Variants in SFRP1 observed in about 807,000 individuals in gnomAD.
The protein encoded by SFRP1 is secreted frizzled-related protein 1.
Under a neutral mutation model 25.9 loss-of-function variants are expected in SFRP1, and 9 were observed. The observed-to-expected ratio is 0.35, with a 90% CI of 0.21 to 0.61. SFRP1 has a LOEUF of 0.61. SFRP1 is among the 20% of genes least tolerant of loss of function. The pLI, the probability that SFRP1 is intolerant of heterozygous loss-of-function variation, is 0.78. For missense variants in SFRP1, 346 were observed against 418.2 expected (o/e 0.83, Z 1.51); for synonymous variants, 178 against 174.0 (o/e 1.02, Z -0.18).
At chr8:41,266,002 C>A (rs1469127200) in intron 2 of SFRP1, among the ~76,000 whole-genome samples, 1 of 152,100 alleles carries the variant, frequency 6.6e-6, no homozygotes, top group Non-Finnish European at 1.5e-5. Flanking sequence ...CCCATCTCTA[C>A]TAAAAATACA....
At chr8:41,268,553 C>A (rs1046394570) in intron 2 of SFRP1, among the ~76,000 whole-genome samples, 1 of 152,166 alleles carries the variant, frequency 6.6e-6, no homozygotes, top group African/African-American at 2.4e-5. Context: ...ATGTGTTACA[C>A]ATTAGACTTT....
Position 41,265,163 on chromosome 8 carries a change from AG to A in SFRP1, c.*3del. ...GCTCCCTCCCCACCCTGCCCCCGGG[AG>A]AATCACTTAAACACGGACTGAAAGG... On this transcript the variant is annotated 3_prime_UTR_variant, in exon 3 of 3. Transcript: ENST00000220772. The A allele has an allele frequency of 2.0e-6, 1 of 511,142 alleles. No homozygotes were observed. The highest frequency in any genetic ancestry group is 2.8e-6 in the Non-Finnish European group (1 of 358,984). The allele number at this position is 511,142 out of a possible 1,614,324, so 31.7% of individuals were successfully genotyped here. A position where few individuals can be genotyped will look rare whatever the true frequency, so the allele number is the denominator to read the frequency against.
At chr8:41,282,607 A>G (rs1329951220) in intron 2 of SFRP1, among the ~76,000 whole-genome samples, 1 of 151,890 alleles carries the variant, frequency 6.6e-6, no homozygotes, top group Non-Finnish European at 1.5e-5. Context: ...TTTAAATAAA[A>G]TAAAAATAAG....
intron 2 of SFRP1, 138 bp downstream of exon 2, chr8:41,303,323 A>G: frequency 1.5e-6 from 1 of 687,554 alleles, no homozygotes; most frequent in Non-Finnish European, 2.6e-6. Context: ...TCTGCCTGAG[A>G]AAAGCAGCCA....
rs1312640867 is a variant in SFRP1 at position 41,263,470 on chromosome 8, G to A, written c.*1697C>T. On this transcript the variant is annotated 3_prime_UTR_variant, in exon 3 of 3. Coordinates refer to ENST00000220772, the MANE Select transcript of SFRP1 (RefSeq NM_003012.5). ...GATTTTCATACTGGAGTCTTCAAGA[G>A]TTAACAGAATCTACCATCCTTTCCT... is the stretch of plus-strand genomic sequence containing the variant. 4 of 152,212 alleles carry A rather than the reference G, an allele frequency of 2.6e-5. No homozygotes were observed. The highest frequency in any genetic ancestry group is 5.9e-5 in the Non-Finnish European group (4 of 68,046). The allele number at this position is 152,212 out of a possible 1,614,324, so 9.4% of individuals were successfully genotyped here.
At chr8:41,269,698 A>C (rs1469792022) in intron 2 of SFRP1, among the ~76,000 whole-genome samples, 1 of 152,090 alleles carries the variant, frequency 6.6e-6, no homozygotes, top group African/African-American at 2.4e-5. Flanking sequence ...ATGACTTTGA[A>C]CGTAAGGCAA....
chr8:41,292,968 G>C (rs1294281535), intron 2 of SFRP1, among the ~76,000 whole-genome samples: 1 of 152,216 alleles, frequency 6.6e-6, no homozygotes, highest in Non-Finnish European at 1.5e-5. Context: ...CAAAGGTCGA[G>C]ACTCCTTCTA....
At chr8:41,285,506 C>A (rs1182866506) in intron 2 of SFRP1, among the ~76,000 whole-genome samples, 1 of 152,180 alleles carries the variant, frequency 6.6e-6, no homozygotes, top group Non-Finnish European at 1.5e-5. Flanking sequence ...CCACTCCAGG[C>A]GGAAGAAGTG....
At chr8:41,299,261 A>C (rs9298614) in intron 2 of SFRP1, among the ~76,000 whole-genome samples, 10 of 151,674 alleles carry the variant, frequency 6.6e-5, no homozygotes, top group Admixed American at 5.2e-4. Context: ...CTGTGGATAG[A>C]ATATGTATCT....
chr8:41,293,694 G>A lies in SFRP1; in HGVS notation c.622+9767C>T, dbSNP rs148711427. 9.9e-5 allele frequency among the ~76,000 whole-genome samples: 15 copies of A among 152,084 alleles called. No homozygotes were observed. The East Asian group carries it at 2.7e-3, about 28-fold the overall frequency. On this transcript the variant is annotated intron_variant, in intron 2 of 2. Coordinates refer to ENST00000220772, the MANE Select transcript of SFRP1 (RefSeq NM_003012.5). ...CAAAGGCATCTGAAGTTACCAAAGA[G>A]CAGAGACAAAAAAGCATGGCAAAGG...
In SFRP1 at chr8:41,309,405, G is replaced by T; in HGVS notation, c.-246C>A. 2 of 194,888 alleles carry T rather than the reference G, an allele frequency of 1.0e-5. No homozygotes were observed. Among genetic ancestry groups the T allele is most frequent in the South Asian group, 1.6e-4 (1 of 6,202 alleles). The allele number at this position is 194,888 out of a possible 1,614,324, so 12.1% of individuals were successfully genotyped here. On this transcript the variant is annotated 5_prime_UTR_variant, in exon 1 of 3. Coordinates refer to ENST00000220772, the MANE Select transcript of SFRP1 (RefSeq NM_003012.5). Reference sequence around the variant, plus strand: ...GGTGCGCCCCGGCTCCCGGAGGTGCGGCGAGCAGGAAGGCGCGGGGCGGCG... The same window carrying T: ...GGTGCGCCCCGGCTCCCGGAGGTGCTGCGAGCAGGAAGGCGCGGGGCGGCG...
intron 2 of SFRP1, among the ~76,000 whole-genome samples, chr8:41,293,297 T>C (rs1410255868): frequency 6.6e-6 from 1 of 152,216 alleles, no homozygotes. Context: ...CACAGACAGC[T>C]GCGAATTGGA....
intron 1 of SFRP1, 70 bp from the exon 2 acceptor site, chr8:41,303,608 A>C (rs888278306): frequency 7.8e-7 from 1 of 1,282,298 alleles, no homozygotes; most frequent in Non-Finnish European, 1.1e-6. Context: ...CCTGGGGAAA[A>C]GATCGGCCCT....
chr8:41,286,654 T>A (rs1803706100), intron 2 of SFRP1, among the ~76,000 whole-genome samples: 2 of 152,154 alleles, frequency 1.3e-5, no homozygotes, highest in Non-Finnish European at 2.9e-5. Flanking sequence ...ATGGAACGAC[T>A]CCAGGATTCT....
chr8:41,273,935 G>A (rs552783907), intron 2 of SFRP1, among the ~76,000 whole-genome samples: 1 of 152,160 alleles, frequency 6.6e-6, no homozygotes, highest in East Asian at 1.9e-4. Context: ...AAGAAGGCAG[G>A]TATTCAGCTT....
intron 2 of SFRP1, among the ~76,000 whole-genome samples, chr8:41,281,235 CA>C (rs1436327427): frequency 6.6e-6 from 1 of 152,206 alleles, no homozygotes; most frequent in African/African-American, 2.4e-5. Flanking sequence ...CAGTTTGCAT[CA>C]GGGGTGCTGA....
intron 2 of SFRP1, 129 bp from the exon 3 acceptor site, chr8:41,265,618 T>A (rs1803425929): frequency 3.1e-6 from 2 of 640,460 alleles, no homozygotes; most frequent in Non-Finnish European, 5.0e-6. Flanking sequence ...ACTTTCTTCT[T>A]GTAAATATAT....
intron 2 of SFRP1, among the ~76,000 whole-genome samples, chr8:41,290,395 C>T (rs981433779): frequency 1.3e-5 from 2 of 152,222 alleles, no homozygotes; most frequent in Non-Finnish European, 2.9e-5. Context: ...CAGTGCAATG[C>T]TTTGGGGCTG....
intron 2 of SFRP1, 102 bp downstream of exon 2, chr8:41,303,359 A>G: frequency 1.2e-6 from 1 of 842,014 alleles, no homozygotes; most frequent in Non-Finnish European, 2.0e-6. Flanking sequence ...GGTAGAGAAT[A>G]TGGAAAGCTG....
Sources: gnomAD v4.1 joint callset for allele counts (sites outside exome capture counted in the v4.1 genomes callset) on GRCh38, gnomAD v4.1.1 for gene constraint, MANE v1.5 for transcripts, NCBI Gene and HGNC (gene_info 2026-07-23, HGNC 2026-07-21) for gene names.